Variants in GDPD5 observed in about 807,000 individuals in gnomAD.
The protein encoded by GDPD5 is glycerophosphodiester phosphodiesterase domain containing 5.
Under a neutral mutation model 75.1 loss-of-function variants are expected in GDPD5, and 48 were observed. The ratio of observed to expected loss-of-function variants is 0.64; its 90% confidence interval spans 0.51 to 0.81. The LOEUF (loss-of-function observed/expected upper bound fraction) is 0.81, where lower values mean the gene tolerates loss of function less well. Among genes scored for constraint, GDPD5 ranks in the 40% least tolerant of loss-of-function variants. The pLI is 0.00. For missense variants in GDPD5, 706 were observed against 822.6 expected (o/e 0.86, Z 1.73); for synonymous variants, 336 against 339.0 (o/e 0.99, Z 0.10).
intron 3 of GDPD5, among the ~76,000 whole-genome samples, chr11:75,475,520 C>T (rs1317067262): frequency 1.3e-5 from 2 of 152,164 alleles, no homozygotes; most frequent in Non-Finnish European, 2.9e-5. Context: ...CACCGCTGCC[C>T]TCACCCAGCT....
At chr11:75,512,018 C>A (rs1950530163) in intron 1 of GDPD5, among the ~76,000 whole-genome samples, 2 of 152,120 alleles carry the variant, frequency 1.3e-5, no homozygotes, top group Non-Finnish European at 2.9e-5. Flanking sequence ...CTGTGTGCAT[C>A]ATTATTTTAC....
chr11:75,466,759 C>A (rs572264505), intron 3 of GDPD5, among the ~76,000 whole-genome samples: 1 of 152,116 alleles, frequency 6.6e-6, no homozygotes, highest in Non-Finnish European at 1.5e-5. Context: ...TGGCACATGG[C>A]GGGCGGGTGT....
intron 4 of GDPD5, among the ~76,000 whole-genome samples, chr11:75,459,796 C>A (rs184808664): frequency 1.4e-5 from 2 of 138,928 alleles, no homozygotes; most frequent in East Asian, 2.1e-4. Flanking sequence ...GGTGACAGAG[C>A]GAGACTGTCT....
At chr11:75,475,905 C>A (rs978991309) in intron 3 of GDPD5, among the ~76,000 whole-genome samples, 3 of 152,188 alleles carry the variant, frequency 2.0e-5, no homozygotes, top group African/African-American at 7.2e-5. Context: ...TCAAAACCAG[C>A]CTCAGCCCAC....
intron 15 of GDPD5, chr11:75,439,384 G>A (rs576362752): frequency 6.6e-6 from 3 of 456,338 alleles, no homozygotes; most frequent in African/African-American, 6.0e-5. Context: ...AGCAGAGAGA[G>A]GGGGAGGGGG....
At chr11:75,501,836 C>A (rs1011087562) in intron 1 of GDPD5, among the ~76,000 whole-genome samples, 9 of 152,286 alleles carry the variant, frequency 5.9e-5, no homozygotes, top group Middle Eastern at 3.4e-3. Flanking sequence ...AAGAGCCAAT[C>A]TGAGCAGAGA....
chr11:75,511,529 T>C (rs1406543359), intron 1 of GDPD5, among the ~76,000 whole-genome samples: 1 of 152,204 alleles, frequency 6.6e-6, no homozygotes, highest in African/African-American at 2.4e-5. Context: ...TCATGCATCC[T>C]TGAATCCATT....
At chr11:75,494,405 T>G (rs1332272838) in intron 1 of GDPD5, among the ~76,000 whole-genome samples, 1 of 151,924 alleles carries the variant, frequency 6.6e-6, no homozygotes, top group Non-Finnish European at 1.5e-5. Context: ...TTAGAAGAGA[T>G]GGGCTTTCAC....
Position 75,443,176 on chromosome 11 carries a change from G to T in GDPD5, c.908C>A (p.Thr303Asn). 1 of 1,605,566 alleles carries T rather than the reference G, an allele frequency of 6.2e-7. No homozygotes were observed. The highest frequency in any genetic ancestry group is 1.7e-5 in the Admixed American group (1 of 58,806). The change falls in exon 11 of 17, where the codon ACC becomes AAC. Residue 303 changes from threonine (T) to asparagine (N), a missense_variant. Thr to Asn is a moderately conservative substitution (Grantham distance 65). Transcript: ENST00000336898. ...GCCAGCGTTGAGTCTCTGCAGGGTG[G>T]TCCAGTTAAGCATGGAGGCAGGCCT... The part of the protein sequence containing the change: ...ARRPASMLNW[T>N]TLQRLNAGQW...
At position 75,435,682 on chromosome 11, in the gene GDPD5, T is replaced by C. The variant is rs1456542731; in HGVS notation, c.1670-27A>G. ...TGCTGGGCCAGAGGGAGACAGAATGTGAGTCGGGGAGGAGGCAGTCGTGAG... is the reference window on the plus strand; with the variant it reads ...TGCTGGGCCAGAGGGAGACAGAATGCGAGTCGGGGAGGAGGCAGTCGTGAG... On this transcript the variant is annotated intron_variant, in intron 16 of 16. Coordinates refer to ENST00000336898, the MANE Select transcript of GDPD5 (RefSeq NM_030792.8). The C allele has an allele frequency of 3.2e-6, 5 of 1,570,230 alleles. 1 individual carries two copies. The East Asian group carries it at 9.1e-5, about 29-fold the overall frequency.
At chr11:75,456,101 G>A (rs1252211345) in intron 6 of GDPD5, among the ~76,000 whole-genome samples, 6 of 152,202 alleles carry the variant, frequency 3.9e-5, no homozygotes, top group African/African-American at 1.2e-4. Flanking sequence ...GAAGGGGTCC[G>A]AGAGAAAAAG....
chr11:75,442,517 G>C lies in GDPD5; in HGVS notation c.1013C>G (p.Ser338Cys), dbSNP rs1282170262. ...PSDHREAQNQ[S>C]ICSLAELLEL... ...CAGGAGCTCTGCCAGGCTGCAGATG[G>C]ACTGGTTCTGGGCCTCTCTGTGGTC... Residue 338 changes from serine to cysteine, a missense_variant, in exon 12 of 17, where the codon TCC becomes TGC. Ser to Cys is a moderately radical substitution (Grantham distance 112). Coordinates refer to ENST00000336898, the MANE Select transcript of GDPD5 (RefSeq NM_030792.8). 1.2e-6 allele frequency: 2 copies of C among 1,614,036 alleles called. No homozygotes were observed. The highest frequency in any genetic ancestry group is 1.7e-6 in the Non-Finnish European group (2 of 1,180,038).
At chr11:75,523,747 G>C (rs1557472) in intron 1 of GDPD5, among the ~76,000 whole-genome samples, 2 of 152,182 alleles carry the variant, frequency 1.3e-5, no homozygotes, top group South Asian at 4.1e-4. Flanking sequence ...AGGATTTGAA[G>C]CCCCAGACAG....
intron 3 of GDPD5, among the ~76,000 whole-genome samples, chr11:75,468,550 T>C (rs552640114): frequency 4.8e-4 from 73 of 152,368 alleles, no homozygotes; most frequent in Non-Finnish European, 9.6e-4. Context: ...TTACCTTCTC[T>C]GTGCCCCAGC....
rs1445493798 is a variant in GDPD5, at chr11:75,437,001, A to C, written c.1604T>G (p.Leu535Arg). The C allele has an allele frequency of 7.4e-6, 12 of 1,613,426 alleles. No individual in the cohort carries two copies. Among genetic ancestry groups the C allele is most frequent in the Non-Finnish European group, 1.0e-5 (12 of 1,180,000 alleles). Residue 535 changes from leucine (L) to arginine (R), a missense_variant, in exon 16 of 17, where the codon CTG (leucine) becomes CGG (arginine). Coordinates refer to ENST00000336898, the MANE Select transcript of GDPD5 (RefSeq NM_030792.8). Reference sequence around the variant, plus strand: ...GCTGGTCCGGCGCACCGCAGCACTCAGCATGATCTGCTCAGGGTTGTAGCT... The same window carrying C: ...GCTGGTCCGGCGCACCGCAGCACTCCGCATGATCTGCTCAGGGTTGTAGCT... ...IRSYNPEQIMLSAAVRRTSRD... is the reference protein window; with the variant it reads ...IRSYNPEQIMRSAAVRRTSRD...
intron 4 of GDPD5, among the ~76,000 whole-genome samples, chr11:75,462,321 C>A (rs1949431570): frequency 6.6e-6 from 1 of 152,196 alleles, no homozygotes; most frequent in Non-Finnish European, 1.5e-5. Flanking sequence ...TCCCCTCCAC[C>A]TCTTCAGGAG....
intron 9 of GDPD5, 86 bp downstream of exon 9, chr11:75,448,891 C>A: frequency 7.1e-7 from 1 of 1,414,750 alleles, no homozygotes; most frequent in Non-Finnish European, 9.3e-7. Context: ...ATGGTTGCTA[C>A]CATTACATAT....
chr11:75,455,408 G>T (rs1185822211), intron 6 of GDPD5: 1 of 456,074 alleles, frequency 2.2e-6, no homozygotes, highest in Non-Finnish European at 4.4e-6. Flanking sequence ...GCTGCTCACG[G>T]CTCCTACCAC....
At chr11:75,518,508 C>A (rs1429349093) in intron 1 of GDPD5, among the ~76,000 whole-genome samples, 1 of 152,186 alleles carries the variant, frequency 6.6e-6, no homozygotes. Flanking sequence ...GATTGTGGGG[C>A]CTGCAGGACT....
Sources: gnomAD v4.1 joint callset for allele counts (sites outside exome capture counted in the v4.1 genomes callset) on GRCh38, gnomAD v4.1.1 for gene constraint, MANE v1.5 for transcripts, NCBI Gene and HGNC (gene_info 2026-07-23, HGNC 2026-07-21) for gene names.